CCSER1: variants seen among roughly 807,000 people sequenced by gnomAD.
CCSER1 encodes the protein coiled-coil serine rich protein 1.
A neutral mutation model predicts 82.0 loss-of-function variants in CCSER1; 41 were observed. That is an observed-to-expected ratio of 0.50 (90% CI 0.39 to 0.65). The LOEUF (loss-of-function observed/expected upper bound fraction) is 0.65, where lower values mean the gene tolerates loss of function less well. CCSER1 is among the 30% of genes least tolerant of loss of function. The pLI is 0.00. For synonymous variants in CCSER1, 414 were observed against 383.9 expected (o/e 1.08, Z -0.92); for missense variants, 1,119 against 1,064.2 (o/e 1.05, Z -0.72).
intron 6 of CCSER1, among the ~76,000 whole-genome samples, chr4:90,721,719 T>A (rs776497680): frequency 1.2e-4 from 18 of 151,728 alleles, no homozygotes; most frequent in Non-Finnish European, 2.5e-4. Context: ...TACGATACTA[T>A]TTGATCTAAA....
chr4:90,232,023 A>G (rs1007181507), intron 1 of CCSER1, among the ~76,000 whole-genome samples: 11 of 152,170 alleles, frequency 7.2e-5, no homozygotes, highest in African/African-American at 2.2e-4. Flanking sequence ...GGAAGAATCA[A>G]TATCTTGAAA....
intron 9 of CCSER1, among the ~76,000 whole-genome samples, chr4:90,966,518 A>T (rs1734575060): frequency 6.6e-6 from 1 of 152,094 alleles, no homozygotes; most frequent in Non-Finnish European, 1.5e-5. Flanking sequence ...AATGAAAGAG[A>T]AATTGAGATG....
At chr4:90,243,813 A>T (rs905480323) in intron 1 of CCSER1, among the ~76,000 whole-genome samples, 28 of 152,088 alleles carry the variant, frequency 1.8e-4, no homozygotes, top group Non-Finnish European at 3.5e-4. Flanking sequence ...ATAATTTTTT[A>T]AAAAATTATT....
At chr4:91,253,077 A>T (rs538905852) in intron 10 of CCSER1, among the ~76,000 whole-genome samples, 1 of 151,512 alleles carries the variant, frequency 6.6e-6, no homozygotes, top group Non-Finnish European at 1.5e-5. Context: ...CTTGAACTGC[A>T]TGGGTTCACT....
intron 5 of CCSER1, among the ~76,000 whole-genome samples, chr4:90,482,208 G>A (rs1054743706): frequency 5.3e-5 from 8 of 151,978 alleles, no homozygotes; most frequent in East Asian, 3.9e-4. Context: ...CTGTGGGATC[G>A]GTGGTGATAT....
intron 1 of CCSER1, among the ~76,000 whole-genome samples, chr4:90,160,160 C>T (rs1248436080): frequency 2.6e-5 from 4 of 152,148 alleles, no homozygotes; most frequent in African/African-American, 4.8e-5. Flanking sequence ...GCACATTGCT[C>T]TCTTCAAAAC....
intron 10 of CCSER1, among the ~76,000 whole-genome samples, chr4:91,184,778 AT>A (rs977238284): frequency 1.8e-4 from 27 of 151,848 alleles, no homozygotes; most frequent in Non-Finnish European, 1.3e-4. Context: ...AATCTTGCAA[AT>A]TTTTTTCTAG....
At chr4:90,442,101 A>G (rs1382744508) in intron 4 of CCSER1, among the ~76,000 whole-genome samples, 1 of 152,182 alleles carries the variant, frequency 6.6e-6, no homozygotes, top group Non-Finnish European at 1.5e-5. Context: ...TTTTAGTAAC[A>G]AGGCAGATTT....
At chr4:90,176,023 T>C (rs1732597175) in intron 1 of CCSER1, among the ~76,000 whole-genome samples, 1 of 151,920 alleles carries the variant, frequency 6.6e-6, no homozygotes, top group African/African-American at 2.4e-5. Flanking sequence ...AGGATTTTCA[T>C]AAAATGAAAA....
At chr4:91,125,789 T>G (rs1727459742) in intron 10 of CCSER1, among the ~76,000 whole-genome samples, 1 of 151,488 alleles carries the variant, frequency 6.6e-6, no homozygotes, top group African/African-American at 2.4e-5. Context: ...TGTAAAATTT[T>G]AAAACTACCA....
At chr4:90,348,212 C>A (rs562207952) in intron 3 of CCSER1, among the ~76,000 whole-genome samples, 4 of 152,052 alleles carry the variant, frequency 2.6e-5, no homozygotes, top group Non-Finnish European at 4.4e-5. Flanking sequence ...CAACAAACCC[C>A]CATGGTGCAC....
At chr4:91,577,283 G>C (rs1411264467) in intron 10 of CCSER1, among the ~76,000 whole-genome samples, 1 of 151,736 alleles carries the variant, frequency 6.6e-6, no homozygotes, top group Non-Finnish European at 1.5e-5. Flanking sequence ...AGACCTTGGG[G>C]GGCACAGAAA....
rs143737940 is a variant in CCSER1, at chr4:90,545,568, A to G, written c.1724+77214A>G. 7.2e-4 allele frequency among the ~76,000 whole-genome samples: 110 copies of G among 152,176 alleles called. 1 individual carries two copies. The South Asian group carries it at 8.3e-3, about 11-fold the overall frequency. On this transcript the variant is annotated intron_variant, in intron 5 of 10. Transcript: ENST00000509176. The stretch of plus-strand genomic sequence containing the variant: ...CTGCTTTCTAATCCTCCTGCCTTCA[A>G]TCATTACTCCTCATTCCTATTAATA...
chr4:90,823,662 G>C (rs1380203352), intron 8 of CCSER1, among the ~76,000 whole-genome samples: 5 of 151,772 alleles, frequency 3.3e-5, no homozygotes, highest in South Asian at 2.1e-4. Context: ...CTCTATTTTG[G>C]GGGGGGATGT....
At chr4:91,570,168 CT>C (rs1763101938) in intron 10 of CCSER1, among the ~76,000 whole-genome samples, 1 of 152,176 alleles carries the variant, frequency 6.6e-6, no homozygotes, top group Non-Finnish European at 1.5e-5. Flanking sequence ...CTTCCAAGAC[CT>C]TGAGCAGCTC....
At chr4:90,131,162 T>C (rs1190039169) in intron 1 of CCSER1, among the ~76,000 whole-genome samples, 2 of 151,950 alleles carry the variant, frequency 1.3e-5, no homozygotes, top group East Asian at 3.9e-4. Context: ...CACACCCAGC[T>C]AATTTTTGTA....
chr4:91,444,149 T>A (rs1414643035), intron 10 of CCSER1, among the ~76,000 whole-genome samples: 1 of 152,158 alleles, frequency 6.6e-6, no homozygotes, highest in East Asian at 1.9e-4. Context: ...ACTTAGATAT[T>A]TTCCTTAGTC....
At chr4:90,249,562 C>G (rs967025113) in intron 1 of CCSER1, among the ~76,000 whole-genome samples, 2 of 152,142 alleles carry the variant, frequency 1.3e-5, no homozygotes, top group South Asian at 4.1e-4. Context: ...TTTACTTATT[C>G]TGAACACTTC....
intron 6 of CCSER1, among the ~76,000 whole-genome samples, chr4:90,693,923 G>A (rs1230895983): frequency 6.6e-6 from 1 of 151,802 alleles, no homozygotes; most frequent in Non-Finnish European, 1.5e-5. Flanking sequence ...GGAGGAGAGA[G>A]AGAGGGGAAA....
Sources: gnomAD v4.1 joint callset for allele counts (sites outside exome capture counted in the v4.1 genomes callset) on GRCh38, gnomAD v4.1.1 for gene constraint, MANE v1.5 for transcripts, NCBI Gene and HGNC (gene_info 2026-07-23, HGNC 2026-07-21) for gene names.